TENM3: variants seen among roughly 807,000 people sequenced by gnomAD.
TENM3 encodes the protein teneurin transmembrane protein 3, also known as teneurin-3.
A neutral mutation model predicts 255.1 loss-of-function variants in TENM3; 63 were observed. The observed-to-expected ratio is 0.25, with a 90% CI of 0.20 to 0.30. The LOEUF (loss-of-function observed/expected upper bound fraction) is 0.30, where lower values mean the gene tolerates loss of function less well. Among genes scored for constraint, TENM3 ranks in the 10% least tolerant of loss-of-function variants. TENM3 has a pLI of 1.00. For missense variants in TENM3, 2,929 were observed against 3,461.1 expected, an observed-to-expected ratio of 0.85 and a Z score of 3.86; for synonymous variants, 1,306 against 1,322.3, an observed-to-expected ratio of 0.99 and a Z score of 0.27.
At chr4:182,138,010 T>C in the TENM3 span, among the ~76,000 whole-genome samples, 1 of 152,250 alleles carries the variant, frequency 6.6e-6, no homozygotes, top group Non-Finnish European at 1.5e-5. Flanking sequence ...ACTTTCAGCC[T>C]CTTTGCTTTT....
At chr4:182,121,474 T>A in the TENM3 span, among the ~76,000 whole-genome samples, 17 of 152,328 alleles carry the variant, frequency 1.1e-4, no homozygotes, top group East Asian at 3.3e-3. Context: ...ACTCTGGATA[T>A]GCTTTTAATG....
chr4:182,683,335 C>A (rs1579103279), intron 11 of TENM3, among the ~76,000 whole-genome samples: 1 of 152,170 alleles, frequency 6.6e-6, no homozygotes, highest in East Asian at 1.9e-4. Context: ...TACCATAGAA[C>A]ATCCCTAATC....
chr4:182,743,503 T>G (rs1345488881), intron 19 of TENM3, 84 bp downstream of exon 19: 1 of 1,464,648 alleles, frequency 6.8e-7, no homozygotes, highest in Non-Finnish European at 9.4e-7. Flanking sequence ...TACTGATTTA[T>G]TCATAGAAAA....
chr4:181,938,095 A>T, the TENM3 span, among the ~76,000 whole-genome samples: 2 of 152,160 alleles, frequency 1.3e-5, no homozygotes, highest in Admixed American at 6.5e-5. Flanking sequence ...TTTCAAGTAG[A>T]TCTTAATGTG....
At chr4:182,024,205 T>G in the TENM3 span, among the ~76,000 whole-genome samples, 1 of 152,172 alleles carries the variant, frequency 6.6e-6, no homozygotes, top group Non-Finnish European at 1.5e-5. Context: ...GAAGCTTTAT[T>G]ACCAAAAAAC....
intron 11 of TENM3, among the ~76,000 whole-genome samples, chr4:182,685,304 C>A (rs1352808206): frequency 1.3e-5 from 2 of 151,958 alleles, no homozygotes; most frequent in African/African-American, 4.8e-5. Flanking sequence ...GCTTGAAGAA[C>A]CAGAAACTTT....
the TENM3 span, among the ~76,000 whole-genome samples, chr4:181,719,011 C>T: frequency 6.6e-6 from 1 of 151,608 alleles, no homozygotes; most frequent in Non-Finnish European, 1.5e-5. Context: ...TCGAGACCAT[C>T]CTGGCTAACA....
At chr4:181,930,498 C>G in the TENM3 span, among the ~76,000 whole-genome samples, 2 of 152,132 alleles carry the variant, frequency 1.3e-5, no homozygotes, top group African/African-American at 4.8e-5. Flanking sequence ...AGACCAATAA[C>G]AAGTTCTGAA....
intron 6 of TENM3, among the ~76,000 whole-genome samples, chr4:182,667,174 T>TTTTTTG (rs1554011113): frequency 0.013 from 2,013 of 150,066 alleles, 49 homozygotes; most frequent in African/African-American, 0.046. Context: ...AGTTACCATT[T>TTTTTTG]TTTTGTTTTG....
At chr4:182,781,362 T>C (rs1365365232) in intron 24 of TENM3, among the ~76,000 whole-genome samples, 1 of 146,866 alleles carries the variant, frequency 6.8e-6, no homozygotes. Flanking sequence ...ATTACATTTA[T>C]TGATTTGCAT....
At chr4:181,605,534 GAA>G in the TENM3 span, among the ~76,000 whole-genome samples, 1,102 of 22,224 alleles carry the variant, frequency 0.05, 116 homozygotes, top group Non-Finnish European at 0.087. Context: ...AAGAAAGAAA[GAA>G]AGAAAGAAAG....
the TENM3 span, among the ~76,000 whole-genome samples, chr4:181,798,875 G>A: frequency 6.6e-6 from 1 of 152,190 alleles, no homozygotes; most frequent in Non-Finnish European, 1.5e-5. Flanking sequence ...TATAACAAAT[G>A]TAACAGTGTG....
chr4:182,223,783 C>CAAAAAAAA (rs61535632), intron 1 of TENM3, among the ~76,000 whole-genome samples: 1 of 112,988 alleles, frequency 8.9e-6, no homozygotes, highest in Non-Finnish European at 1.7e-5. Context: ...GATAGATTGG[C>CAAAAAAAA]AAAAAAAAAA....
the TENM3 span, among the ~76,000 whole-genome samples, chr4:181,958,356 C>G: frequency 6.6e-6 from 1 of 152,084 alleles, no homozygotes; most frequent in Non-Finnish European, 1.5e-5. Flanking sequence ...TTTTTGGACT[C>G]TATTATCAAA....
At chr4:181,741,714 A>C in the TENM3 span, among the ~76,000 whole-genome samples, 330 of 152,280 alleles carry the variant, frequency 2.2e-3, 1 homozygote, top group Non-Finnish European at 3.9e-3. Flanking sequence ...CCTAGTCAGC[A>C]CTAGGATGAG....
chr4:182,796,602 T>A, intron 26 of TENM3, 35 bp from the exon 27 acceptor site: 1 of 1,546,836 alleles, frequency 6.5e-7, no homozygotes, highest in Non-Finnish European at 8.7e-7. Context: ...CAAAACAAAC[T>A]CCAACACCTT....
rs756806501 is a variant in TENM3 at position 182,731,072 on chromosome 4, T to G, written c.2900T>G (p.Val967Gly). 5.6e-6 allele frequency: 9 copies of G among 1,613,834 alleles called. No individual in the cohort carries two copies. The highest frequency in any genetic ancestry group is 7.6e-6 in the Non-Finnish European group (9 of 1,179,840). ...TTCGTGAGGCCAAATCCCATCATTG[T>G]GTCATCACCTTTATCCACCTTTTTC... Reference protein sequence around the residue: ...SGFVRPNPIIVSSPLSTFFRS... With the variant: ...SGFVRPNPIIGSSPLSTFFRS... Residue 967 changes from valine (V) to glycine (G), a missense_variant, in exon 16 of 28, where the codon GTG (valine) becomes GGG (glycine). Coordinates refer to ENST00000511685, the MANE Select transcript of TENM3 (RefSeq NM_001080477.4).
chr4:182,049,604 C>T, the TENM3 span, among the ~76,000 whole-genome samples: 1 of 152,198 alleles, frequency 6.6e-6, no homozygotes, highest in African/African-American at 2.4e-5. Flanking sequence ...TATCCCTGCT[C>T]TTGATGGATT....
In TENM3 at chr4:182,323,975, T is replaced by TA; in HGVS notation, c.-44dup. On this transcript the variant is annotated 5_prime_UTR_variant, in exon 2 of 28. Transcript: ENST00000511685. ...GCCAATGAGACTTGAACCCTGAGCC[T>TA]AAGTTGTCACCAGCAGGACTGATGT... The TA allele has an allele frequency of 6.4e-7, 1 of 1,550,460 alleles. No homozygotes were observed. The highest frequency in any genetic ancestry group is 8.8e-7 in the Non-Finnish European group (1 of 1,132,702).
Sources: allele counts gnomAD v4.1 joint callset (sites outside exome capture counted in the v4.1 genomes callset), GRCh38; gene constraint gnomAD v4.1.1; transcripts MANE v1.5; gene names NCBI Gene and HGNC (gene_info 2026-07-23, HGNC 2026-07-21).